Variants in SNED1 observed in about 807,000 individuals in gnomAD.
SNED1 encodes the protein sushi, nidogen and EGF like domains 1.
SNED1 carries 81 observed loss-of-function variants against 166.7 expected under a neutral mutation model. The ratio of observed to expected loss-of-function variants is 0.49; its 90% CI spans 0.41 to 0.58. SNED1 has a LOEUF of 0.58. Ranked by LOEUF, SNED1 falls within the 20% of genes least tolerant of loss-of-function variation. The pLI, the probability that SNED1 is intolerant of heterozygous loss-of-function variation, is 0.00. For synonymous variants in SNED1, 762 were observed against 822.0 expected, an observed-to-expected ratio of 0.93 and a Z score of 1.25; for missense variants, 1,604 against 2,000.2, an observed-to-expected ratio of 0.80 and a Z score of 3.78.
intron 1 of SNED1, among the ~76,000 whole-genome samples, chr2:241,019,072 C>T (rs2060688719): frequency 6.6e-6 from 1 of 151,948 alleles, no homozygotes; most frequent in African/African-American, 2.4e-5. Flanking sequence ...GGAGCACATG[C>T]CCATGGTGTG....
chr2:241,048,788 C>T lies in SNED1; in HGVS notation c.1504+22C>T, dbSNP rs73110179. ...TTTGGTAGGTGCCCAGGTCACCCTT[C>T]CTGCCCTGTCCCTGAGCATCCTCAT... is the stretch of plus-strand genomic sequence containing the variant. On this transcript the variant is annotated intron_variant, in intron 10 of 31. Transcript: ENST00000310397. The T allele has an allele frequency of 1.9e-6, 3 of 1,557,174 alleles. No homozygotes were observed. The African/African-American group carries it at 4.1e-5, about 21-fold the overall frequency.
At chr2:241,030,155 T>C (rs2061122004) in intron 1 of SNED1, 129 bp from the exon 2 acceptor site, 5 of 879,896 alleles carry the variant, frequency 5.7e-6, no homozygotes, top group Non-Finnish European at 8.6e-6. Context: ...CAGGCCACCC[T>C]GGGGATACCC....
intron 14 of SNED1, 50 bp from the exon 15 acceptor site, chr2:241,052,305 C>G (rs1487947044): frequency 6.6e-7 from 1 of 1,513,600 alleles, no homozygotes; most frequent in Non-Finnish European, 9.0e-7. Flanking sequence ...CACACAGTCC[C>G]GAGCCTTCAG....
intron 1 of SNED1, among the ~76,000 whole-genome samples, chr2:241,027,571 G>A (rs1290742103): frequency 1.3e-5 from 2 of 152,058 alleles, no homozygotes; most frequent in Non-Finnish European, 2.9e-5. Flanking sequence ...TTTCGTTATA[G>A]ACCCAGAAGT....
rs529412003 is a variant in SNED1, at chr2:241,049,101, C to G, written c.1584C>G (p.Leu528=). 8.7e-6 allele frequency: 14 copies of G among 1,612,140 alleles called. No individual in the cohort carries two copies. The highest frequency in any genetic ancestry group is 1.2e-5 in the Non-Finnish European group (14 of 1,179,392). The change falls in exon 11 of 32, where the codon CTC becomes CTG. Residue 528 remains leucine, a synonymous_variant. Transcript: ENST00000310397. ...GYCMEHGGSY[L]CVCHTDHNAS... ...GCATGGAGCACGGCGGGAGCTACCT[C>G]TGCGTCTGCCACACCGACCACAATG...
chr2:241,046,337 C>T (rs1368805518), intron 8 of SNED1, among the ~76,000 whole-genome samples: 2 of 152,200 alleles, frequency 1.3e-5, no homozygotes, highest in East Asian at 3.8e-4. Context: ...CTTATGTTTA[C>T]ACACAAATCC....
intron 30 of SNED1, 65 bp downstream of exon 30, chr2:241,087,540 C>T (rs1257439082): frequency 1.4e-5 from 22 of 1,533,708 alleles, no homozygotes; most frequent in African/African-American, 3.0e-5. Flanking sequence ...GGGGCAAGGG[C>T]GGGGTGCTAT....
intron 1 of SNED1, among the ~76,000 whole-genome samples, chr2:241,015,371 A>G (rs2060547160): frequency 6.6e-6 from 1 of 152,150 alleles, no homozygotes; most frequent in Admixed American, 6.5e-5. Context: ...TTTTCACACT[A>G]TCGTAAATAG....
rs202018076 is a variant in SNED1, at chr2:241,073,408, C to T, written c.3916+44C>T. The T allele has an allele frequency of 9.5e-6, 14 of 1,469,728 alleles. No individual in the cohort carries two copies. The highest frequency in any genetic ancestry group is 7.9e-5 in the Admixed American group (4 of 50,884). 91.0% of individuals were successfully genotyped at this position (1,469,728 alleles called of 1,614,324 possible). The stretch of plus-strand genomic sequence containing the variant: ...TGGGGACTTTGGGACTGACTGACTG[C>T]TCTCAGGGGCCTTAGAGGCTGCAGG... On this transcript the variant is annotated intron_variant, in intron 27 of 31. Coordinates refer to ENST00000310397, the MANE Select transcript of SNED1 (RefSeq NM_001080437.3). This position sits in a 1 kb window ranked among gnomAD's most constrained non-coding sequence, Gnocchi z 6.6.
Position 241,081,697 on chromosome 2 carries a change from G to C in SNED1, c.3937G>C (p.Glu1313Gln), listed in dbSNP as rs768274175. 8.7e-6 allele frequency: 14 copies of C among 1,607,306 alleles called. No individual in the cohort carries two copies. Among genetic ancestry groups the C allele is most frequent in the Non-Finnish European group, 1.2e-5 (14 of 1,176,978 alleles). The change falls in exon 28 of 32, where the codon GAA (glutamate) becomes CAA (glutamine). Residue 1313 changes from glutamate to glutamine, a missense_variant. Coordinates refer to ENST00000310397, the MANE Select transcript of SNED1 (RefSeq NM_001080437.3). ...DIGNVPGNCS[E>Q]NPCQNGGTCV... ...TCCAGACGTCCCTGGCAACTGTTCA[G>C]AAAACCCCTGTCAGAACGGAGGCAC...
chr2:241,088,637 G>C (rs1289779493), intron 31 of SNED1: 1 of 549,864 alleles, frequency 1.8e-6, no homozygotes, highest in African/African-American at 1.9e-5. Context: ...GTGGAAATGA[G>C]GCTCTCTGTG....
intron 8 of SNED1, chr2:241,040,782 C>T (rs1055710050): frequency 4.2e-6 from 2 of 473,736 alleles, no homozygotes; most frequent in Non-Finnish European, 8.6e-6. Context: ...ACATCTTCCT[C>T]TCCTACTCTA....
At chr2:241,089,989 G>A in intron 31 of SNED1, 3 of 1,548,902 alleles carry the variant, frequency 1.9e-6, no homozygotes, top group Non-Finnish European at 2.6e-6. Flanking sequence ...CCTGGGCAGG[G>A]CGCTTAGCGT....
chr2:241,027,445 C>T (rs2061006150), intron 1 of SNED1, among the ~76,000 whole-genome samples: 1 of 152,136 alleles, frequency 6.6e-6, no homozygotes, highest in African/African-American at 2.4e-5. Context: ...ATTTTGTTTA[C>T]CCATTCATCC....
At position 241,069,894 on chromosome 2, in the gene SNED1, C is replaced by T. The variant is rs746073721; in HGVS notation, c.3308-26C>T. 6.2e-7 allele frequency: 1 copy of T among 1,604,096 alleles called. No individual in the cohort carries two copies. The highest frequency in any genetic ancestry group is 8.5e-7 in the Non-Finnish European group (1 of 1,174,492). ...AGAAGACCCTGTGGGCACCCCCTCA[C>T]CTCTCCCTGCTCCTGCCTCATCCAG... On this transcript the variant is annotated intron_variant, in intron 23 of 31. Transcript: ENST00000310397. The surrounding 1 kb of genome is among the most constrained non-coding windows in gnomAD (Gnocchi z 4.9).
At chr2:241,026,807 A>G (rs1559234485) in intron 1 of SNED1, among the ~76,000 whole-genome samples, 2 of 152,244 alleles carry the variant, frequency 1.3e-5, no homozygotes, top group East Asian at 3.8e-4. Context: ...ATTAAAGTAC[A>G]TTCACATTAT....
At position 241,095,250 on chromosome 2, in the gene SNED1, GCA is replaced by G. The variant is rs2064341906; in HGVS notation, c.*3617_*3618del. 6.6e-6 allele frequency: 1 copy of G among 152,616 alleles called. No individual in the cohort carries two copies. Among genetic ancestry groups the G allele is most frequent in the South Asian group, 2.1e-4 (1 of 4,834 alleles). The allele number at this position is 152,616 out of a possible 1,614,324, so 9.5% of individuals were successfully genotyped here. ...ACCTGCCCCAGCACTCTCCAGGCCA[GCA>G]CAGTCTGGCACTACAGACTACAGGG... On this transcript the variant is annotated 3_prime_UTR_variant, in exon 32 of 32. Coordinates refer to ENST00000310397, the MANE Select transcript of SNED1 (RefSeq NM_001080437.3).
At chr2:241,024,278 C>T (rs2060874431) in intron 1 of SNED1, among the ~76,000 whole-genome samples, 1 of 95,172 alleles carries the variant, frequency 1.1e-5, no homozygotes, top group Admixed American at 1.7e-4. Context: ...CAGAGTCTTG[C>T]TGTGTCACCC....
intron 6 of SNED1, 55 bp downstream of exon 6, chr2:241,037,408 G>A: frequency 1.7e-6 from 2 of 1,184,618 alleles, no homozygotes; most frequent in East Asian, 5.0e-5. Flanking sequence ...GATAGCGGGA[G>A]ACACAGCTGG....
Sources: gnomAD v4.1 joint callset for allele counts (sites outside exome capture counted in the v4.1 genomes callset) on GRCh38, gnomAD v4.1.1 for gene constraint, Gnocchi (gnomAD v3.1) non-coding constraint, MANE v1.5 for transcripts, NCBI Gene and HGNC (gene_info 2026-07-23, HGNC 2026-07-21) for gene names.